The following STXBP5L variants were observed in gnomAD, a reference collection of about 807,000 sequenced individuals.
STXBP5L encodes syntaxin binding protein 5L.
A neutral mutation model predicts 144.5 loss-of-function variants in STXBP5L; 65 were observed. That is an observed-to-expected ratio of 0.45 (90% CI 0.37 to 0.55). The LOEUF is 0.55. Among genes scored for constraint, STXBP5L ranks in the 20% least tolerant of loss-of-function variants. The pLI is 0.00. For synonymous variants in STXBP5L, 505 were observed against 469.6 expected, an observed-to-expected ratio of 1.08 and a Z score of -0.97; for missense variants, 1,298 against 1,405.5, an observed-to-expected ratio of 0.92 and a Z score of 1.22.
chr3:120,965,396 T>C (rs1194192969), intron 3 of STXBP5L, among the ~76,000 whole-genome samples: 6 of 152,182 alleles, frequency 3.9e-5, no homozygotes, highest in African/African-American at 1.4e-4. Context: ...ATTTGGCCTG[T>C]TTTTGCAGTG....
intron 23 of STXBP5L, among the ~76,000 whole-genome samples, chr3:121,407,823 G>A (rs1215499226): frequency 1.3e-5 from 2 of 151,950 alleles, no homozygotes; most frequent in South Asian, 2.1e-4. Context: ...TTGGCATTGT[G>A]AGTGAAATAT....
intron 3 of STXBP5L, among the ~76,000 whole-genome samples, chr3:120,976,078 T>G (rs567547976): frequency 6.6e-6 from 1 of 152,192 alleles, no homozygotes; most frequent in Non-Finnish European, 1.5e-5. Flanking sequence ...TTAGGGAGGT[T>G]TTCCTCTTTT....
At chr3:121,028,362 G>A in intron 3 of STXBP5L, among the ~76,000 whole-genome samples, 1 of 151,852 alleles carries the variant, frequency 6.6e-6, no homozygotes, top group Non-Finnish European at 1.5e-5. Context: ...AAATTAATTG[G>A]TACTCTATAA....
chr3:121,280,197 T>C (rs1559931697), intron 19 of STXBP5L, among the ~76,000 whole-genome samples: 1 of 151,860 alleles, frequency 6.6e-6, no homozygotes, highest in Admixed American at 6.6e-5. Flanking sequence ...ATCTCAACTT[T>C]CTTAGGTTTA....
At chr3:121,260,193 T>G (rs749308003) in intron 18 of STXBP5L, among the ~76,000 whole-genome samples, 82 of 152,226 alleles carry the variant, frequency 5.4e-4, no homozygotes, top group Middle Eastern at 3.4e-3. Context: ...TTGTATATCT[T>G]AAGTGAAATT....
chr3:121,087,308 T>TGGG (rs2042546466), intron 5 of STXBP5L, among the ~76,000 whole-genome samples: 1 of 152,086 alleles, frequency 6.6e-6, no homozygotes, highest in Non-Finnish European at 1.5e-5. Flanking sequence ...ATCATGGATT[T>TGGG]CTTTTTCCTC....
At chr3:120,953,500 TC>T (rs1206377616) in intron 2 of STXBP5L, among the ~76,000 whole-genome samples, 4 of 142,556 alleles carry the variant, frequency 2.8e-5, no homozygotes, top group Admixed American at 7.2e-5. Context: ...GGTGAATTTT[TC>T]CTTTTTTTTT....
At chr3:121,136,765 A>G (rs2045273889) in intron 7 of STXBP5L, among the ~76,000 whole-genome samples, 1 of 152,232 alleles carries the variant, frequency 6.6e-6, no homozygotes. Flanking sequence ...TCTACCATAA[A>G]GACACATGCG....
intron 2 of STXBP5L, among the ~76,000 whole-genome samples, chr3:120,920,477 A>C (rs1209922917): frequency 2.4e-4 from 37 of 151,826 alleles, no homozygotes; most frequent in African/African-American, 8.9e-4. Context: ...CACCTTAAAT[A>C]TTTGTCTTTG....
Position 121,157,585 on chromosome 3 carries a change from C to G in STXBP5L, c.835C>G (p.Leu279Val), listed in dbSNP as rs1473020440. ...AGATGGTAGTTTGACTTTATGGAACCTGAAAAGCCCAAGTCGCCCTTTCCA... is the reference window on the plus strand; with the variant it reads ...AGATGGTAGTTTGACTTTATGGAACGTGAAAAGCCCAAGTCGCCCTTTCCA... Reference protein sequence around the residue: ...HSDGSLTLWNLKSPSRPFQTT... With the variant: ...HSDGSLTLWNVKSPSRPFQTT... Residue 279 changes from leucine (L) to valine (V), a missense_variant, in exon 9 of 27, where the codon CTG becomes GTG. Leu to Val is a conservative substitution (Grantham distance 32). Coordinates refer to ENST00000471454, the MANE Select transcript of STXBP5L (RefSeq NM_001308330.2). 6 of 1,605,928 alleles carry G rather than the reference C, an allele frequency of 3.7e-6. No homozygotes were observed. The highest frequency in any genetic ancestry group is 5.1e-6 in the Non-Finnish European group (6 of 1,176,702).
chr3:120,952,044 C>T (rs2107690532), intron 2 of STXBP5L, among the ~76,000 whole-genome samples: 1 of 151,382 alleles, frequency 6.6e-6, no homozygotes, highest in African/African-American at 2.4e-5. Context: ...TCTCAGTAAA[C>T]TATCGCAAGA....
At chr3:121,321,896 G>T (rs2043982886) in intron 20 of STXBP5L, among the ~76,000 whole-genome samples, 1 of 152,106 alleles carries the variant, frequency 6.6e-6, no homozygotes, top group Admixed American at 6.5e-5. Flanking sequence ...GTGGAGGTTT[G>T]TTACATGGGT....
chr3:120,964,774 ATG>A (rs1939346379), intron 3 of STXBP5L, among the ~76,000 whole-genome samples: 1 of 152,148 alleles, frequency 6.6e-6, no homozygotes. Context: ...AGTTCTGTAG[ATG>A]TCTATTAGGT....
chr3:121,051,202 C>T (rs1360316788), intron 5 of STXBP5L, among the ~76,000 whole-genome samples: 1 of 152,136 alleles, frequency 6.6e-6, no homozygotes, highest in Admixed American at 6.6e-5. Flanking sequence ...CAAGGATACC[C>T]AGGAATTGTA....
intron 3 of STXBP5L, among the ~76,000 whole-genome samples, chr3:120,970,065 C>A (rs1391410590): frequency 6.6e-6 from 1 of 151,928 alleles, no homozygotes; most frequent in African/African-American, 2.4e-5. Context: ...ATAAGAAAAC[C>A]AAACCCTACC....
intron 7 of STXBP5L, among the ~76,000 whole-genome samples, chr3:121,122,199 A>G (rs2044498150): frequency 6.6e-6 from 1 of 150,418 alleles, no homozygotes; most frequent in Non-Finnish European, 1.5e-5. Context: ...AGTTGAAAAC[A>G]TGAAAATTAG....
chr3:121,177,079 A>AG (rs11445232), intron 9 of STXBP5L, among the ~76,000 whole-genome samples: 15,066 of 151,964 alleles, frequency 0.099, 1,171 homozygotes, highest in Admixed American at 0.2. Context: ...AATATGCAAA[A>AG]ACTAGATCAT....
chr3:121,077,357 G>A (rs553059390), intron 5 of STXBP5L, among the ~76,000 whole-genome samples: 1 of 152,278 alleles, frequency 6.6e-6, no homozygotes, highest in East Asian at 1.9e-4. Flanking sequence ...AGTGTTAACA[G>A]TTCTTAAAGG....
chr3:121,136,809 C>T (rs2045277025), intron 7 of STXBP5L, among the ~76,000 whole-genome samples: 1 of 152,192 alleles, frequency 6.6e-6, no homozygotes. Context: ...TTCACAATAG[C>T]AGAGACATGG....
Sources: gnomAD v4.1 joint callset for allele counts (sites outside exome capture counted in the v4.1 genomes callset) on GRCh38, gnomAD v4.1.1 for gene constraint, MANE v1.5 for transcripts, NCBI Gene and HGNC (gene_info 2026-07-23, HGNC 2026-07-21) for gene names.